The following LYZL4 variants were observed in gnomAD, a reference collection of about 807,000 sequenced individuals.
LYZL4 encodes lysozyme like 4.
Under a neutral mutation model 17.6 loss-of-function variants are expected in LYZL4, and 13 were observed. That is an observed-to-expected ratio of 0.74 (90% CI 0.48 to 1.18). The LOEUF is 1.18. LYZL4 is among the 50% of genes most tolerant of loss of function. The probability of loss-of-function intolerance (pLI) is 0.00; values close to 1 mark genes in which losing one functional copy is unlikely to be tolerated. For missense variants in LYZL4, 174 were observed against 188.2 expected (o/e 0.92, Z 0.44); for synonymous variants, 64 against 67.7 (o/e 0.95, Z 0.27).
At chr3:42,380,447 T>C in the LYZL4 span, among the ~76,000 whole-genome samples, 1 of 152,220 alleles carries the variant, frequency 6.6e-6, no homozygotes, top group Non-Finnish European at 1.5e-5. Flanking sequence ...CAAGTTCTCT[T>C]GGTGAAAATG....
downstream of LYZL4, among the ~76,000 whole-genome samples, chr3:42,394,052 C>A (rs564786929): frequency 6.6e-6 from 1 of 152,348 alleles, no homozygotes; most frequent in South Asian, 2.1e-4. Flanking sequence ...CTCGGCCTCC[C>A]AGAGTGCTGG....
intron 1 of LYZL4, among the ~76,000 whole-genome samples, chr3:42,409,411 A>T (rs935100116): frequency 3.3e-5 from 5 of 152,214 alleles, no homozygotes; most frequent in Non-Finnish European, 4.4e-5. Flanking sequence ...TAATAATTAA[A>T]AAAAGTGAAT....
chr3:42,371,569 G>A, the LYZL4 span, among the ~76,000 whole-genome samples: 1 of 152,126 alleles, frequency 6.6e-6, no homozygotes, highest in Non-Finnish European at 1.5e-5. Context: ...ATGAAGTTGG[G>A]TCTTGGACAA....
the LYZL4 span, among the ~76,000 whole-genome samples, chr3:42,377,788 C>T: frequency 6.6e-6 from 1 of 152,130 alleles, no homozygotes; most frequent in Admixed American, 6.5e-5. Flanking sequence ...AGGTCCTGTG[C>T]AGCTTAGTCA....
chr3:42,401,166 C>A (rs886807599), intron 4 of LYZL4, among the ~76,000 whole-genome samples: 2 of 151,964 alleles, frequency 1.3e-5, no homozygotes, highest in Admixed American at 1.3e-4. Context: ...GGGACCTATG[C>A]GGAAATATCA....
the LYZL4 span, among the ~76,000 whole-genome samples, chr3:42,390,070 G>GT: frequency 1.1e-3 from 173 of 152,358 alleles, 1 homozygote; most frequent in Middle Eastern, 0.014. Context: ...AAAGAAAGAT[G>GT]TTTACAGGTA....
chr3:42,360,945 C>A, the LYZL4 span, among the ~76,000 whole-genome samples: 1 of 152,004 alleles, frequency 6.6e-6, no homozygotes. Context: ...TCAAGTTTGT[C>A]TTTTCTTTCT....
chr3:42,399,492 C>G (rs766333857), intron 4 of LYZL4, among the ~76,000 whole-genome samples: 2 of 152,172 alleles, frequency 1.3e-5, no homozygotes, highest in East Asian at 3.8e-4. Flanking sequence ...GGGGTACTAG[C>G]AGCTGTTACA....
downstream of LYZL4, among the ~76,000 whole-genome samples, chr3:42,394,436 A>G (rs1011568033): frequency 1.4e-4 from 22 of 152,234 alleles, no homozygotes; most frequent in African/African-American, 5.3e-4. Flanking sequence ...CACATTATTT[A>G]GCCCTAAGCC....
At chr3:42,396,102 A>G (rs1270402587), downstream of LYZL4, among the ~76,000 whole-genome samples, 4 of 152,146 alleles carry the variant, frequency 2.6e-5, no homozygotes, top group African/African-American at 9.7e-5. Context: ...CTAAGAGTAG[A>G]GCAAAAGTTA....
In LYZL4 at chr3:42,404,712, A is replaced by C. The variant is rs74838180; in HGVS notation, c.293-588T>G. Among the ~76,000 whole-genome samples, 928 of 152,314 alleles carry C rather than the reference A, an allele frequency of 6.1e-3. 11 individuals are homozygous for C. Among genetic ancestry groups the C allele is most frequent in the African/African-American group, 0.021 (879 of 41,566 alleles). ...TATAGATAGATATCTATATTTATCT[A>C]TGTTTATAGATATCTATCAATCTAT... On this transcript the variant is annotated intron_variant, in intron 3 of 4. Coordinates refer to ENST00000287748, the MANE Select transcript of LYZL4 (RefSeq NM_144634.4).
downstream of LYZL4, among the ~76,000 whole-genome samples, chr3:42,393,847 A>G (rs1245612739): frequency 6.6e-6 from 1 of 152,172 alleles, no homozygotes; most frequent in African/African-American, 2.4e-5. Flanking sequence ...GCTGGAGCGC[A>G]GTGGCGTGAT....
downstream of LYZL4, among the ~76,000 whole-genome samples, chr3:42,394,232 G>A (rs756338401): frequency 6.6e-6 from 1 of 152,184 alleles, no homozygotes; most frequent in Non-Finnish European, 1.5e-5. Flanking sequence ...GATGACCATT[G>A]TCCTGCACTA....
At chr3:42,375,088 G>A in the LYZL4 span, among the ~76,000 whole-genome samples, 1 of 152,252 alleles carries the variant, frequency 6.6e-6, no homozygotes, top group Non-Finnish European at 1.5e-5. Context: ...TGGGATTACA[G>A]GTGTGAGCCA....
the LYZL4 span, among the ~76,000 whole-genome samples, chr3:42,368,430 A>G: frequency 1.4e-4 from 21 of 152,362 alleles, no homozygotes; most frequent in African/African-American, 5.1e-4. Flanking sequence ...TCCAGCTGAT[A>G]GTATTCTATG....
the LYZL4 span, among the ~76,000 whole-genome samples, chr3:42,361,803 A>G: frequency 0.042 from 6,368 of 152,286 alleles, 213 homozygotes; most frequent in Middle Eastern, 0.11. Flanking sequence ...TTGAGAAGGT[A>G]CAGAGATTTC....
chr3:42,361,270 A>C, the LYZL4 span, among the ~76,000 whole-genome samples: 5,112 of 152,166 alleles, frequency 0.034, 284 homozygotes, highest in African/African-American at 0.12. Flanking sequence ...GACAACATGT[A>C]TTGTAGTCAC....
the LYZL4 span, among the ~76,000 whole-genome samples, chr3:42,374,290 C>T: frequency 3.3e-5 from 5 of 152,180 alleles, no homozygotes; most frequent in African/African-American, 7.2e-5. Context: ...TGGGATTCAG[C>T]AACAGACTTT....
intron 4 of LYZL4, among the ~76,000 whole-genome samples, chr3:42,403,517 C>A (rs1698696133): frequency 6.6e-6 from 1 of 152,062 alleles, no homozygotes; most frequent in East Asian, 1.9e-4. Flanking sequence ...CTCAGGTGAT[C>A]CAACTACCTC....
Sources: allele counts gnomAD v4.1 joint callset (sites outside exome capture counted in the v4.1 genomes callset), GRCh38; gene constraint gnomAD v4.1.1; transcripts MANE v1.5; gene names NCBI Gene and HGNC (gene_info 2026-07-23, HGNC 2026-07-21).